Variants in ZNF107 observed in about 807,000 individuals in gnomAD.
The protein encoded by ZNF107 is zinc finger protein 107.
Under a neutral mutation model 12.3 loss-of-function variants are expected in ZNF107, and 19 were observed. That is an observed-to-expected ratio of 1.55 (90% CI 1.08 to 2.27). ZNF107 has a LOEUF of 2.27. Among genes scored for constraint, ZNF107 ranks in the 30% most tolerant of loss-of-function variants. The probability of loss-of-function intolerance (pLI) is 0.00; values close to 1 mark genes in which losing one functional copy is unlikely to be tolerated. For missense variants in ZNF107, 958 were observed against 979.9 expected (o/e 0.98, Z 0.30); for synonymous variants, 317 against 330.5 (o/e 0.96, Z 0.44).
intron 3 of ZNF107, among the ~76,000 whole-genome samples, chr7:64,704,257 A>G (rs914790619): frequency 6.6e-6 from 1 of 151,902 alleles, no homozygotes; most frequent in East Asian, 1.9e-4. Context: ...TTATTTATTT[A>G]TTTTTTTTAG....
intron 1 of ZNF107, among the ~76,000 whole-genome samples, chr7:64,680,557 C>T (rs1309822197): frequency 1.3e-5 from 2 of 152,044 alleles, no homozygotes; most frequent in Non-Finnish European, 2.9e-5. Context: ...CAAAAAGCTG[C>T]GTATAAGGCT....
At chr7:64,670,148 A>C (rs1445208389) in intron 1 of ZNF107, among the ~76,000 whole-genome samples, 1 of 152,232 alleles carries the variant, frequency 6.6e-6, no homozygotes, top group Non-Finnish European at 1.5e-5. Flanking sequence ...GTTTTGAGGC[A>C]GTATTTTACT....
At chr7:64,693,249 A>G (rs1479663045) in intron 3 of ZNF107, among the ~76,000 whole-genome samples, 6 of 141,358 alleles carry the variant, frequency 4.2e-5, no homozygotes, top group Non-Finnish European at 6.0e-5. Context: ...TCCTGACCTC[A>G]TGATCTGCCC....
chr7:64,707,515 A>C lies in ZNF107; in HGVS notation c.1418A>C (p.Lys473Thr), dbSNP rs1562847189. 1 of 1,613,202 alleles carries C rather than the reference A, an allele frequency of 6.2e-7. No homozygotes were observed. Among genetic ancestry groups the C allele is most frequent in the Non-Finnish European group, 8.5e-7 (1 of 1,179,598 alleles). The change falls in exon 4 of 4, where the codon AAA becomes ACA. Residue 473 changes from lysine to threonine, a missense_variant. Coordinates refer to ENST00000620827, the MANE Select transcript of ZNF107 (RefSeq NM_001282359.2). The part of the protein sequence containing the change: ...NQHSNLINHR[K>T]IYSGEKPYKC... ...CACTCAAACCTAATTAACCATAGGA[A>C]AATTTATTCTGGAGAGAAACCATAC...
At chr7:64,686,456 T>C in intron 1 of ZNF107, 1 of 955,206 alleles carries the variant, frequency 1.0e-6, no homozygotes, top group Non-Finnish European at 1.2e-6. Context: ...CCCCAAGATC[T>C]CTCTCCCAAT....
intron 3 of ZNF107, among the ~76,000 whole-genome samples, chr7:64,696,550 A>G (rs1198423639): frequency 6.6e-6 from 1 of 152,190 alleles, no homozygotes; most frequent in Non-Finnish European, 1.5e-5. Context: ...CATGTTAAGT[A>G]TATTCACATT....
chr7:64,707,249 T>C lies in ZNF107; in HGVS notation c.1152T>C (p.Leu384=). ...AAGCTTTTAACCGATCCTTAAAACTTACTGCACATAAGAAAATTCTAATGG... is the reference window on the plus strand; with the variant it reads ...AAGCTTTTAACCGATCCTTAAAACTCACTGCACATAAGAAAATTCTAATGG... The part of the protein sequence containing the change: ...CDKAFNRSLK[L]TAHKKILMEE... The change falls in exon 4 of 4, where the codon CTT becomes CTC. Residue 384 remains leucine, a synonymous_variant. Coordinates refer to ENST00000620827, the MANE Select transcript of ZNF107 (RefSeq NM_001282359.2). 1 of 1,613,104 alleles carries C rather than the reference T, an allele frequency of 6.2e-7. No homozygotes were observed. The highest frequency in any genetic ancestry group is 8.5e-7 in the Non-Finnish European group (1 of 1,179,670).
chr7:64,690,244 T>C (rs530007868), intron 1 of ZNF107: 10 of 407,866 alleles, frequency 2.5e-5, no homozygotes, highest in African/African-American at 2.2e-4. Flanking sequence ...TACATATTTA[T>C]CTTATAATAA....
At position 64,708,193 on chromosome 7, in the gene ZNF107, A is replaced by G. The variant is rs1020549232; in HGVS notation, c.2096A>G (p.His699Arg). 1.9e-6 allele frequency: 3 copies of G among 1,612,582 alleles called. No homozygotes were observed. Among genetic ancestry groups the G allele is most frequent in the East Asian group, 2.2e-5 (1 of 44,850 alleles). Residue 699 changes from histidine (H) to arginine (R), a missense_variant, in exon 4 of 4, where the codon CAT becomes CGT. By Grantham distance (29) the His-to-Arg change is conservative. Coordinates refer to ENST00000620827, the MANE Select transcript of ZNF107 (RefSeq NM_001282359.2). Reference sequence around the variant, plus strand: ...AACCTAACTATACATAAGAGAATTCATACGGGAGAGAAACCTTACCAATGT... The same window carrying G: ...AACCTAACTATACATAAGAGAATTCGTACGGGAGAGAAACCTTACCAATGT... ...FSNLTIHKRI[H>R]TGEKPYQCAE...
At chr7:64,687,465 A>C (rs1272638816) in intron 1 of ZNF107, 1 of 985,330 alleles carries the variant, frequency 1.0e-6, no homozygotes, top group Non-Finnish European at 1.2e-6. Context: ...ATAGGGTGCC[A>C]GGTGTGAGCT....
intron 3 of ZNF107, among the ~76,000 whole-genome samples, chr7:64,702,400 G>T (rs946265000): frequency 1.2e-4 from 19 of 152,250 alleles, no homozygotes; most frequent in Non-Finnish European, 2.4e-4. Flanking sequence ...CTCCCAAAGT[G>T]CTGGGATTAC....
At chr7:64,695,500 G>T (rs1790258796) in intron 3 of ZNF107, among the ~76,000 whole-genome samples, 1 of 152,026 alleles carries the variant, frequency 6.6e-6, no homozygotes, top group African/African-American at 2.4e-5. Flanking sequence ...TTTCAGTGTA[G>T]GTTTCTTAAC....
chr7:64,707,837 T>C lies in ZNF107; in HGVS notation c.1740T>C (p.Leu580=), dbSNP rs762491806. Residue 580 remains leucine, a synonymous_variant, in exon 4 of 4, where the codon CTT becomes CTC. Coordinates refer to ENST00000620827, the MANE Select transcript of ZNF107 (RefSeq NM_001282359.2). ...CGKAFNQSYQ[L]TRHKIVHTKE... ...AAGCCTTTAATCAATCCTATCAACT[T>C]ACTAGACATAAGATAGTTCATACTA... 6.2e-7 allele frequency: 1 copy of C among 1,612,304 alleles called. No homozygotes were observed. Among genetic ancestry groups the C allele is most frequent in the East Asian group, 2.2e-5 (1 of 44,784 alleles).
chr7:64,677,090 G>A (rs866316520), intron 1 of ZNF107, among the ~76,000 whole-genome samples: 2 of 151,936 alleles, frequency 1.3e-5, no homozygotes, highest in Non-Finnish European at 2.9e-5. Flanking sequence ...CTTGTCTCCA[G>A]GGCACACCTC....
chr7:64,677,760 G>A (rs1789478130), intron 1 of ZNF107, among the ~76,000 whole-genome samples: 1 of 149,924 alleles, frequency 6.7e-6, no homozygotes, highest in African/African-American at 2.5e-5. Context: ...GCTGAGGCAG[G>A]AGAATGGTGT....
Position 64,669,993 on chromosome 7 carries a change from TC to T in ZNF107, c.3+3712del, listed in dbSNP as rs148642390. Among the ~76,000 whole-genome samples, 1,427 of 152,128 alleles carry T rather than the reference TC, an allele frequency of 9.4e-3. 16 individuals are homozygous for T. Among genetic ancestry groups the T allele is most frequent in the African/African-American group, 0.033 (1,351 of 41,518 alleles). On this transcript the variant is annotated intron_variant, in intron 1 of 3. Transcript: ENST00000620827. ...CCCAGTTAGTTCTTTCTTGGAAGCC[TC>T]CCCTGCTCACCCCAGCCATGGAAGA...
At chr7:64,687,598 T>C in intron 1 of ZNF107, 1 of 980,690 alleles carries the variant, frequency 1.0e-6, no homozygotes, top group Non-Finnish European at 1.2e-6. Flanking sequence ...GTCATGAAGA[T>C]GTGAAAAGTG....
intron 3 of ZNF107, among the ~76,000 whole-genome samples, chr7:64,705,314 A>C (rs1790602594): frequency 6.7e-6 from 1 of 148,990 alleles, no homozygotes; most frequent in Non-Finnish European, 1.5e-5. Context: ...TTGCATTTTT[A>C]CCTCCACAAT....
intron 3 of ZNF107, among the ~76,000 whole-genome samples, chr7:64,702,871 T>G (rs977521094): frequency 7.2e-5 from 11 of 152,232 alleles, no homozygotes; most frequent in Non-Finnish European, 1.6e-4. Flanking sequence ...CCTCTTTTTT[T>G]GGGAAGTCTT....
Sources: allele counts gnomAD v4.1 joint callset (sites outside exome capture counted in the v4.1 genomes callset), GRCh38; gene constraint gnomAD v4.1.1; transcripts MANE v1.5; gene names NCBI Gene and HGNC (gene_info 2026-07-23, HGNC 2026-07-21).